The following CDC14A variants were observed in gnomAD, a reference collection of about 807,000 sequenced individuals.
The protein encoded by CDC14A is dual specificity protein phosphatase CDC14A.
A neutral mutation model predicts 74.4 loss-of-function variants in CDC14A; 53 were observed. The ratio of observed to expected loss-of-function variants is 0.71; its 90% CI spans 0.57 to 0.89. The LOEUF is 0.89. CDC14A is among the 40% of genes least tolerant of loss of function. The probability of loss-of-function intolerance (pLI) is 0.00; values close to 1 mark genes in which losing one functional copy is unlikely to be tolerated. For synonymous variants in CDC14A, 247 were observed against 258.4 expected, an observed-to-expected ratio of 0.96 and a Z score of 0.43; for missense variants, 646 against 713.7, an observed-to-expected ratio of 0.91 and a Z score of 1.08.
At chr1:100,467,382 A>G (rs1320180895) in intron 9 of CDC14A, among the ~76,000 whole-genome samples, 1 of 152,016 alleles carries the variant, frequency 6.6e-6, no homozygotes, top group African/African-American at 2.4e-5. Flanking sequence ...ATGTTTCCCT[A>G]CTTTGTTTTG....
chr1:100,456,145 G>A (rs138692888), intron 8 of CDC14A, among the ~76,000 whole-genome samples: 25 of 152,232 alleles, frequency 1.6e-4, no homozygotes, highest in Admixed American at 9.2e-4. Context: ...TGACAACTAG[G>A]TACAATTTTC....
intron 5 of CDC14A, among the ~76,000 whole-genome samples, chr1:100,431,151 T>C (rs953842037): frequency 1.3e-5 from 2 of 152,234 alleles, no homozygotes; most frequent in Non-Finnish European, 2.9e-5. Context: ...AGCTCCGCTA[T>C]ACAGGACCTG....
chr1:100,435,017 T>G (rs989170423), intron 5 of CDC14A, among the ~76,000 whole-genome samples: 1 of 152,196 alleles, frequency 6.6e-6, no homozygotes, highest in African/African-American at 2.4e-5. Context: ...GGCCCTGCCT[T>G]TGGCCTACTG....
intron 4 of CDC14A, among the ~76,000 whole-genome samples, chr1:100,395,808 T>C (rs188242528): frequency 1.9e-4 from 29 of 152,200 alleles, no homozygotes; most frequent in Non-Finnish European, 1.8e-4. Context: ...CTCAAGTTGC[T>C]CCCCTCATGC....
At chr1:100,406,065 G>T (rs531617278) in intron 4 of CDC14A, among the ~76,000 whole-genome samples, 1 of 152,250 alleles carries the variant, frequency 6.6e-6, no homozygotes, top group South Asian at 2.1e-4. Context: ...TTTAGTAATA[G>T]CCGTTCTCAC....
intron 13 of CDC14A, among the ~76,000 whole-genome samples, chr1:100,497,600 C>T (rs1002569707): frequency 2.0e-5 from 3 of 152,140 alleles, no homozygotes; most frequent in Non-Finnish European, 4.4e-5. Flanking sequence ...ATGGCCTCGC[C>T]TAGGGTAGTT....
intron 8 of CDC14A, among the ~76,000 whole-genome samples, chr1:100,461,812 TTA>T (rs1185440236): frequency 6.6e-6 from 1 of 152,204 alleles, no homozygotes; most frequent in Non-Finnish European, 1.5e-5. Flanking sequence ...CTAAAAAAAT[TTA>T]TATTTTAATT....
chr1:100,503,359 A>G (rs1293190945), intron 15 of CDC14A, among the ~76,000 whole-genome samples: 1 of 152,190 alleles, frequency 6.6e-6, no homozygotes, highest in African/African-American at 2.4e-5. Context: ...CTGCATGGCA[A>G]TATCCTCCCA....
At chr1:100,451,793 T>C (rs999513522) in intron 7 of CDC14A, among the ~76,000 whole-genome samples, 14 of 152,214 alleles carry the variant, frequency 9.2e-5, no homozygotes, top group African/African-American at 3.4e-4. Flanking sequence ...AGGGTTGCTA[T>C]GAGAAGTAAG....
chr1:100,393,348 G>T, intron 4 of CDC14A: 1 of 941,498 alleles, frequency 1.1e-6, no homozygotes, highest in Non-Finnish European at 1.8e-6. Context: ...ATTCTCAGTT[G>T]TAACTGCTTG....
chr1:100,422,019 A>G (rs2101073808), intron 4 of CDC14A, among the ~76,000 whole-genome samples: 1 of 152,306 alleles, frequency 6.6e-6, no homozygotes, highest in Admixed American at 6.5e-5. Context: ...CCAAATACCT[A>G]CCTTCAGGTT....
intron 9 of CDC14A, 28 bp downstream of exon 9, chr1:100,462,909 C>T: frequency 6.4e-7 from 1 of 1,562,024 alleles, no homozygotes; most frequent in Non-Finnish European, 8.8e-7. Context: ...GTGGTGGTGG[C>T]TGTGCTTATC....
chr1:100,499,429 T>C (rs377004396), intron 15 of CDC14A, 167 bp downstream of exon 15: 13 of 1,509,442 alleles, frequency 8.6e-6, no homozygotes, highest in Non-Finnish European at 1.1e-5. Flanking sequence ...TACATTCTGC[T>C]AGCTCCTCTT....
At chr1:100,491,193 TA>T (rs1376620090) in intron 11 of CDC14A, among the ~76,000 whole-genome samples, 2 of 152,088 alleles carry the variant, frequency 1.3e-5, no homozygotes, top group Non-Finnish European at 2.9e-5. Flanking sequence ...GACAGAGATT[TA>T]AAAAAATTTG....
intron 15 of CDC14A, among the ~76,000 whole-genome samples, chr1:100,512,255 A>G (rs1037670167): frequency 5.9e-5 from 9 of 152,086 alleles, no homozygotes; most frequent in African/African-American, 2.2e-4. Flanking sequence ...TAAGCTTCTC[A>G]GAAACATCTC....
At chr1:100,505,306 G>A (rs1649137771) in intron 15 of CDC14A, among the ~76,000 whole-genome samples, 1 of 34,130 alleles carries the variant, frequency 2.9e-5, no homozygotes, top group Non-Finnish European at 1.0e-4. Flanking sequence ...CTGCTCTTTG[G>A]TTATGAAGAC....
intron 8 of CDC14A, among the ~76,000 whole-genome samples, chr1:100,455,903 A>G (rs1032169368): frequency 6.6e-6 from 1 of 152,228 alleles, no homozygotes; most frequent in African/African-American, 2.4e-5. Context: ...ACAATCTGTC[A>G]TTTACTGAAT....
At chr1:100,366,402 G>A (rs1653619025) in intron 2 of CDC14A, among the ~76,000 whole-genome samples, 1 of 152,168 alleles carries the variant, frequency 6.6e-6, no homozygotes, top group African/African-American at 2.4e-5. Flanking sequence ...GTAGAATAAG[G>A]TATAACAATA....
intron 7 of CDC14A, among the ~76,000 whole-genome samples, chr1:100,447,976 C>T (rs180694920): frequency 2.6e-5 from 4 of 152,268 alleles, no homozygotes; most frequent in East Asian, 1.9e-4. Flanking sequence ...AAGGGCTTTC[C>T]GCTATTTACC....
Sources: gnomAD v4.1 joint callset for allele counts (sites outside exome capture counted in the v4.1 genomes callset) on GRCh38, gnomAD v4.1.1 for gene constraint, MANE v1.5 for transcripts, NCBI Gene and HGNC (gene_info 2026-07-23, HGNC 2026-07-21) for gene names.